Variants in RAI14 observed in about 807,000 individuals in gnomAD.
RAI14 encodes retinoic acid induced 14, also known as ankycorbin.
In RAI14, 45 loss-of-function variants were observed where a neutral mutation model predicts 115.4. The ratio of observed to expected loss-of-function variants is 0.39; its 90% CI spans 0.31 to 0.50. The LOEUF (loss-of-function observed/expected upper bound fraction) is 0.50, where lower values mean the gene tolerates loss of function less well. Ranked by LOEUF, RAI14 falls within the 20% of genes least tolerant of loss-of-function variation. The pLI, the probability that RAI14 is intolerant of heterozygous loss-of-function variation, is 0.85. For synonymous variants in RAI14, 371 were observed against 415.4 expected, an observed-to-expected ratio of 0.89 and a Z score of 1.30; for missense variants, 939 against 1,131.2, an observed-to-expected ratio of 0.83 and a Z score of 2.44.
chr5:34,692,432 T>G (rs1738741769), intron 2 of RAI14, among the ~76,000 whole-genome samples: 1 of 151,170 alleles, frequency 6.6e-6, no homozygotes. Context: ...TGGGAGTATT[T>G]AAAATCCAAG....
chr5:34,777,206 A>G (rs1199773684), intron 3 of RAI14, among the ~76,000 whole-genome samples: 1 of 152,190 alleles, frequency 6.6e-6, no homozygotes, highest in Non-Finnish European at 1.5e-5. Flanking sequence ...CAGTATATCA[A>G]AAGGATATCT....
intron 2 of RAI14, among the ~76,000 whole-genome samples, chr5:34,710,359 G>A (rs943654993): frequency 2.6e-5 from 4 of 152,070 alleles, no homozygotes; most frequent in African/African-American, 9.7e-5. Context: ...GTATGTATCC[G>A]TCTTGGTGTC....
At chr5:34,686,714 G>A (rs987702156) in intron 1 of RAI14, 158 bp from the exon 2 acceptor site, 6 of 392,678 alleles carry the variant, frequency 1.5e-5, no homozygotes, top group Non-Finnish European at 2.7e-5. Flanking sequence ...GAAGTATATC[G>A]TAAGTGGAAA....
Position 34,830,913 on chromosome 5 carries a change from C to T in RAI14, c.*148C>T. The T allele has an allele frequency of 7.1e-7, 1 of 1,418,150 alleles. No homozygotes were observed. The highest frequency in any genetic ancestry group is 2.6e-5 in the Admixed American group (1 of 38,930). The allele number at this position is 1,418,150 out of a possible 1,614,324, so 87.8% of individuals were successfully genotyped here. ...CCTTTCCAAAGGTTTCTGAGGACTTCTCCCAGGAGAAGACTGCCCGCCTCA... is the reference window on the plus strand; with the variant it reads ...CCTTTCCAAAGGTTTCTGAGGACTTTTCCCAGGAGAAGACTGCCCGCCTCA... On this transcript the variant is annotated 3_prime_UTR_variant, in exon 18 of 18. Transcript: ENST00000265109.
chr5:34,768,044 C>T lies in RAI14; in HGVS notation c.167+10446C>T, dbSNP rs747555112. The stretch of plus-strand genomic sequence containing the variant: ...TGGTAGATTCACCGACAGTTTGCAC[C>T]GTTCACCTGGAAAAGCTGTAGACAC... On this transcript the variant is annotated intron_variant, in intron 3 of 17. Coordinates refer to ENST00000265109, the MANE Select transcript of RAI14 (RefSeq NM_015577.3). Among the ~76,000 whole-genome samples the T allele has an allele frequency of 4.6e-5, 7 of 152,040 alleles. No individual in the cohort carries two copies. The East Asian group carries it at 7.8e-4, about 17-fold the overall frequency.
intron 2 of RAI14, among the ~76,000 whole-genome samples, chr5:34,700,236 G>A (rs892946761): frequency 6.6e-6 from 1 of 152,218 alleles, no homozygotes; most frequent in Admixed American, 6.5e-5. Flanking sequence ...TTCTGATGCT[G>A]GGTTCAGGTC....
intron 15 of RAI14, 111 bp from the exon 16 acceptor site, chr5:34,826,219 C>T (rs1015528891): frequency 3.5e-5 from 35 of 998,722 alleles, no homozygotes; most frequent in East Asian, 1.3e-4. Flanking sequence ...GTTCCAAAGT[C>T]TTAAGTCCCA....
intron 1 of RAI14, among the ~76,000 whole-genome samples, chr5:34,678,568 A>C (rs1009535280): frequency 6.6e-6 from 1 of 152,356 alleles, no homozygotes; most frequent in Middle Eastern, 3.4e-3. Flanking sequence ...ATATGAAAAC[A>C]CAGGGCGAAG....
chr5:34,785,758 C>A (rs189088654), intron 3 of RAI14, among the ~76,000 whole-genome samples: 1 of 152,274 alleles, frequency 6.6e-6, no homozygotes, highest in East Asian at 1.9e-4. Context: ...TCCAAATCCT[C>A]CTGTTCGTTT....
At chr5:34,807,696 A>C (rs1755093644) in intron 5 of RAI14, 104 bp from the exon 6 acceptor site, 1 of 889,870 alleles carries the variant, frequency 1.1e-6, no homozygotes, top group Non-Finnish European at 1.9e-6. Context: ...TTATGTTAAT[A>C]GTCTTCCTAA....
At chr5:34,800,003 A>G (rs466566) in intron 4 of RAI14, among the ~76,000 whole-genome samples, 31,740 of 152,028 alleles carry the variant, frequency 0.21, 3,617 homozygotes, top group African/African-American at 0.27. Flanking sequence ...TTTTAAAGCT[A>G]TTTTTGCAGA....
At position 34,823,555 on chromosome 5, in the gene RAI14, AC is replaced by A; in HGVS notation, c.1715del (p.Pro572LeufsTer8). ...GGGAGAAAGGTACAGTGATTAAGCC[AC>A]CTGTGGAAGAGTACGAGGAAATGAA... ...EREKGTVIKP[P>X]VEEYEEMKSS... On this transcript the variant is annotated frameshift_variant, in exon 15 of 18. Coordinates refer to ENST00000265109, the MANE Select transcript of RAI14 (RefSeq NM_015577.3). LOFTEE classifies it high-confidence loss of function. This position sits in a 1 kb window ranked among gnomAD's most constrained non-coding sequence, Gnocchi z 4.5. 6.2e-7 allele frequency: 1 copy of A among 1,614,210 alleles called. No individual in the cohort carries two copies. The highest frequency in any genetic ancestry group is 8.5e-7 in the Non-Finnish European group (1 of 1,180,030).
intron 2 of RAI14, among the ~76,000 whole-genome samples, chr5:34,726,305 G>A (rs1412345912): frequency 6.6e-6 from 1 of 152,208 alleles, no homozygotes; most frequent in Admixed American, 6.5e-5. Flanking sequence ...TCCAAAAGCT[G>A]TACTGGAGGC....
intron 1 of RAI14, among the ~76,000 whole-genome samples, chr5:34,663,404 T>C (rs1361714014): frequency 6.6e-6 from 1 of 152,094 alleles, no homozygotes; most frequent in Non-Finnish European, 1.5e-5. Context: ...TAGTCCCAGC[T>C]ACTCAGGAGG....
At chr5:34,815,029 C>G (rs909877332) in intron 12 of RAI14, among the ~76,000 whole-genome samples, 3 of 152,008 alleles carry the variant, frequency 2.0e-5, no homozygotes, top group African/African-American at 7.2e-5. Flanking sequence ...GGCAGATCAC[C>G]TGAGGTCAGG....
At chr5:34,723,470 A>G (rs544776195) in intron 2 of RAI14, among the ~76,000 whole-genome samples, 3 of 152,192 alleles carry the variant, frequency 2.0e-5, no homozygotes, top group Non-Finnish European at 4.4e-5. Context: ...AAGCCCACGT[A>G]CATTATGGAA....
intron 1 of RAI14, among the ~76,000 whole-genome samples, chr5:34,671,610 A>G (rs892876285): frequency 3.3e-5 from 5 of 152,200 alleles, no homozygotes; most frequent in African/African-American, 1.2e-4. Context: ...CACATAAATC[A>G]TAGTAAATTA....
chr5:34,732,760 CAT>C (rs146052636), intron 2 of RAI14, among the ~76,000 whole-genome samples: 10,419 of 147,882 alleles, frequency 0.07, 411 homozygotes, highest in Middle Eastern at 0.19. Context: ...TATATGTATA[CAT>C]ATATATATTA....
intron 2 of RAI14, among the ~76,000 whole-genome samples, chr5:34,695,803 CTTT>C (rs376091071): frequency 1.6e-5 from 2 of 128,952 alleles, no homozygotes; most frequent in South Asian, 2.5e-4. Flanking sequence ...AAGCACTTTC[CTTT>C]TTTTTTTTTT....
Sources: gnomAD v4.1 joint callset for allele counts (sites outside exome capture counted in the v4.1 genomes callset) on GRCh38, gnomAD v4.1.1 for gene constraint, Gnocchi (gnomAD v3.1) non-coding constraint, MANE v1.5 for transcripts, NCBI Gene and HGNC (gene_info 2026-07-23, HGNC 2026-07-21) for gene names.